FAAH2: variants seen among roughly 807,000 people sequenced by gnomAD.
FAAH2 encodes the protein fatty acid amide hydrolase 2, also known as fatty-acid amide hydrolase 2.
FAAH2 carries 60 observed loss-of-function variants against 36.9 expected under a neutral mutation model. The ratio of observed to expected loss-of-function variants is 1.63; its 90% CI spans 1.32 to 2.02. The LOEUF is 2.02. Ranked by LOEUF, FAAH2 falls within the 30% of genes most tolerant of loss-of-function variation. FAAH2 has a pLI of 0.00. For missense variants in FAAH2, 689 were observed against 397.5 expected, an observed-to-expected ratio of 1.73 and a Z score of -6.23; for synonymous variants, 214 against 143.8, an observed-to-expected ratio of 1.49 and a Z score of -3.49.
At chrX:57,188,400 G>T in the FAAH2 span, among the ~76,000 whole-genome samples, 1 of 110,841 alleles carries the variant, frequency 9.0e-6, no homozygotes, top group Non-Finnish European at 1.9e-5. Flanking sequence ...AGGGATCAGT[G>T]GTGTGATGTC....
chrX:57,459,425 G>T (rs2056919254), intron 10 of FAAH2, among the ~76,000 whole-genome samples: 1 of 112,278 alleles, frequency 8.9e-6, no homozygotes, highest in African/African-American at 3.2e-5. Flanking sequence ...AAACATTTCT[G>T]CCTGATGGCT....
the FAAH2 span, among the ~76,000 whole-genome samples, chrX:57,176,287 A>T: frequency 2.3e-4 from 23 of 98,056 alleles, no homozygotes; most frequent in Non-Finnish European, 4.1e-4. Flanking sequence ...TTTTTTTTTA[A>T]TTTATTTTTG....
intron 2 of FAAH2, among the ~76,000 whole-genome samples, chrX:57,305,925 C>A (rs2052509732): frequency 8.9e-6 from 1 of 111,771 alleles, no homozygotes; most frequent in Non-Finnish European, 1.9e-5. Flanking sequence ...TCAAGGTTTT[C>A]TTTCCTAACG....
the FAAH2 span, among the ~76,000 whole-genome samples, chrX:57,163,896 A>G: frequency 3.6e-5 from 4 of 112,032 alleles, no homozygotes; most frequent in Non-Finnish European, 7.5e-5. Flanking sequence ...CTTAATATGA[A>G]TTTCTTAACC....
intron 8 of FAAH2, among the ~76,000 whole-genome samples, chrX:57,437,435 A>C (rs1043271199): frequency 2.7e-5 from 3 of 110,280 alleles, no homozygotes; most frequent in Non-Finnish European, 5.7e-5. Flanking sequence ...GAGGAAGTGA[A>C]ATTTTTTCCT....
chrX:57,259,906 T>A, the FAAH2 span, among the ~76,000 whole-genome samples: 43 of 111,988 alleles, frequency 3.8e-4, no homozygotes, highest in African/African-American at 1.3e-3. Flanking sequence ...GTTATTTGCT[T>A]GTGGTAAAAA....
At chrX:57,299,366 C>G (rs1329787409) in intron 2 of FAAH2, among the ~76,000 whole-genome samples, 2 of 111,989 alleles carry the variant, frequency 1.8e-5, no homozygotes, top group Non-Finnish European at 3.8e-5. Flanking sequence ...ACATGATTAT[C>G]TCAATAGATG....
chrX:57,404,596 T>A (rs1282594644), intron 7 of FAAH2, among the ~76,000 whole-genome samples: 5 of 111,633 alleles, frequency 4.5e-5, no homozygotes, highest in African/African-American at 9.8e-5. Context: ...GCGACAAGAC[T>A]CCCTGGGTTC....
chrX:57,349,369 TTA>T (rs1161304332), intron 5 of FAAH2, among the ~76,000 whole-genome samples: 2 of 98,313 alleles, frequency 2.0e-5, no homozygotes, highest in East Asian at 3.1e-4. Flanking sequence ...TTTAAATGTT[TTA>T]TATATATCTA....
rs2052402614 is a variant in FAAH2, at chrX:57,302,502, T to G, written c.276-8091T>G. Among the ~76,000 whole-genome samples the G allele has an allele frequency of 7.2e-5, 8 of 111,423 alleles. No homozygotes were observed. In the South Asian group the frequency reaches 3.1e-3, roughly 43 times the overall value. On this transcript the variant is annotated intron_variant, in intron 2 of 10. Transcript: ENST00000374900. ...TTGAAGCATGAGAATAACCATTATT[T>G]ACAGCACAGTGGAATTAGTGCTCTG... is the stretch of plus-strand genomic sequence containing the variant.
At chrX:57,316,732 A>G (rs899751218) in intron 3 of FAAH2, among the ~76,000 whole-genome samples, 8 of 111,526 alleles carry the variant, frequency 7.2e-5, no homozygotes, top group African/African-American at 2.6e-4. Flanking sequence ...CTCAAAATAG[A>G]TAAATATTTA....
intron 7 of FAAH2, among the ~76,000 whole-genome samples, chrX:57,392,091 T>C (rs2055180412): frequency 9.0e-6 from 1 of 111,637 alleles, no homozygotes. Context: ...TGGGATGGAA[T>C]TTTTTATTTG....
chrX:57,209,663 G>A, the FAAH2 span, among the ~76,000 whole-genome samples: 1 of 111,587 alleles, frequency 9.0e-6, no homozygotes, highest in Non-Finnish European at 1.9e-5. Context: ...AGTGATGCCA[G>A]CACTTTTTTA....
the FAAH2 span, among the ~76,000 whole-genome samples, chrX:57,259,628 T>G: frequency 1.8e-5 from 2 of 111,547 alleles, no homozygotes; most frequent in Non-Finnish European, 3.8e-5. Flanking sequence ...GGGTTAGAGG[T>G]GGGGGAAATA....
chrX:57,332,619 G>T (rs2053439600), intron 4 of FAAH2, among the ~76,000 whole-genome samples: 1 of 111,346 alleles, frequency 9.0e-6, no homozygotes, highest in African/African-American at 3.3e-5. Flanking sequence ...ACTTGCTGGA[G>T]GTTCATTGTG....
intron 8 of FAAH2, among the ~76,000 whole-genome samples, chrX:57,443,124 A>T (rs1364730575): frequency 9.0e-6 from 1 of 111,560 alleles, no homozygotes; most frequent in Non-Finnish European, 1.9e-5. Context: ...TCTTTGCAGC[A>T]TTCTCTGTAG....
chrX:57,163,912 A>T, the FAAH2 span, among the ~76,000 whole-genome samples: 12 of 112,235 alleles, frequency 1.1e-4, no homozygotes, highest in Admixed American at 1.9e-4. Flanking sequence ...TAACCGATGT[A>T]TGGTCAAATT....
At chrX:57,370,875 C>T (rs1220584876) in intron 5 of FAAH2, among the ~76,000 whole-genome samples, 2 of 111,468 alleles carry the variant, frequency 1.8e-5, no homozygotes, top group Non-Finnish European at 3.8e-5. Context: ...ACCATCTCAC[C>T]TCACAGTGCA....
the FAAH2 span, among the ~76,000 whole-genome samples, chrX:57,233,928 G>A: frequency 8.8e-6 from 1 of 113,201 alleles, no homozygotes; most frequent in South Asian, 3.5e-4. Context: ...TTACAGGCAT[G>A]AGCCATTGTG....
Sources: allele counts gnomAD v4.1 joint callset (sites outside exome capture counted in the v4.1 genomes callset), GRCh38; gene constraint gnomAD v4.1.1; transcripts MANE v1.5; gene names NCBI Gene and HGNC (gene_info 2026-07-23, HGNC 2026-07-21).